Variants in ARK2N observed in about 807,000 individuals in gnomAD.
The protein encoded by ARK2N is arkadia (RNF111) N-terminal like PKA signaling regulator 2N, also known as protein ARK2N.
chr18:46,182,227 T>A, the ARK2N span, among the ~76,000 whole-genome samples: 1 of 152,232 alleles, frequency 6.6e-6, no homozygotes, highest in Non-Finnish European at 1.5e-5. Context: ...CATAGCTTGT[T>A]CTTAAATCAA....
At chr18:46,223,741 AT>A in the ARK2N span, among the ~76,000 whole-genome samples, 2,656 of 152,272 alleles carry the variant, frequency 0.017, 73 homozygotes, top group African/African-American at 0.06. Context: ...CACCCAGTCC[AT>A]TGGCTTTGGG....
chr18:46,247,574 T>G, the ARK2N span, among the ~76,000 whole-genome samples: 3 of 152,204 alleles, frequency 2.0e-5, no homozygotes, highest in African/African-American at 7.2e-5. Flanking sequence ...TTTAATTAAT[T>G]TCATTTATTT....
At chr18:46,224,777 T>G in the ARK2N span, among the ~76,000 whole-genome samples, 1 of 152,258 alleles carries the variant, frequency 6.6e-6, no homozygotes, top group African/African-American at 2.4e-5. Flanking sequence ...TTAGTGACTT[T>G]GATTAATGAA....
the ARK2N span, among the ~76,000 whole-genome samples, chr18:46,187,725 G>C: frequency 6.6e-6 from 1 of 152,098 alleles, no homozygotes; most frequent in Non-Finnish European, 1.5e-5. Context: ...AGTTTATTTA[G>C]TTTCATTCAT....
At chr18:46,200,465 GC>G in the ARK2N span, among the ~76,000 whole-genome samples, 1 of 152,032 alleles carries the variant, frequency 6.6e-6, no homozygotes, top group African/African-American at 2.4e-5. Flanking sequence ...GTGCCACCAC[GC>G]CCAGCTAATT....
chr18:46,229,175 G>T, the ARK2N span, among the ~76,000 whole-genome samples: 1 of 151,678 alleles, frequency 6.6e-6, no homozygotes, highest in Non-Finnish European at 1.5e-5. Flanking sequence ...TTCAGTTTTT[G>T]CAGAGTGCTT....
the ARK2N span, among the ~76,000 whole-genome samples, chr18:46,225,624 A>G: frequency 6.6e-6 from 1 of 151,962 alleles, no homozygotes; most frequent in Non-Finnish European, 1.5e-5. Context: ...ACGCCTGGCT[A>G]ATTTTCTTTG....
At chr18:46,215,099 A>T in the ARK2N span, among the ~76,000 whole-genome samples, 1 of 152,206 alleles carries the variant, frequency 6.6e-6, no homozygotes, top group African/African-American at 2.4e-5. Flanking sequence ...TGGGTGGATC[A>T]CTTGAGCTCA....
chr18:46,230,370 G>A, the ARK2N span, among the ~76,000 whole-genome samples: 95 of 152,166 alleles, frequency 6.2e-4, no homozygotes, highest in Non-Finnish European at 1.2e-3. Context: ...ATTACATGAC[G>A]GCATTTTTAT....
At chr18:46,213,011 T>C in the ARK2N span, among the ~76,000 whole-genome samples, 1 of 139,544 alleles carries the variant, frequency 7.2e-6, no homozygotes, top group Non-Finnish European at 1.5e-5. Context: ...TTTTTTTTTT[T>C]TTTTTTTGGA....
the ARK2N span, among the ~76,000 whole-genome samples, chr18:46,215,116 C>T: frequency 3.3e-5 from 5 of 152,048 alleles, no homozygotes; most frequent in African/African-American, 7.2e-5. Context: ...CTCAGGAGTT[C>T]GAGACCAGCC....
the ARK2N span, among the ~76,000 whole-genome samples, chr18:46,240,561 A>G: frequency 6.6e-6 from 1 of 152,206 alleles, no homozygotes; most frequent in Non-Finnish European, 1.5e-5. Flanking sequence ...CAGCTTGGAT[A>G]GGGAATCGTT....
the ARK2N span, among the ~76,000 whole-genome samples, chr18:46,174,558 C>G: frequency 7.2e-5 from 11 of 152,318 alleles, no homozygotes; most frequent in East Asian, 2.1e-3. Flanking sequence ...GACCTCCTTG[C>G]TCGTCCGCCG....
chr18:46,195,559 C>CTTTTTTTTTTTTT, the ARK2N span, among the ~76,000 whole-genome samples: 2 of 72,686 alleles, frequency 2.8e-5, no homozygotes, highest in African/African-American at 1.2e-4. Flanking sequence ...CCCACATAAA[C>CTTTTTTTTTTTTT]TTTTTTTTTT....
the ARK2N span, among the ~76,000 whole-genome samples, chr18:46,220,430 T>C: frequency 2.9e-4 from 44 of 152,364 alleles, no homozygotes; most frequent in African/African-American, 9.9e-4. Flanking sequence ...AATTAACTTA[T>C]TATGCTTGAT....
At chr18:46,218,608 C>A in the ARK2N span, 1 of 152,154 alleles carries the variant, frequency 6.6e-6, no homozygotes, top group Non-Finnish European at 1.5e-5. Context: ...TTAGGAATTT[C>A]ATTTCAATTG....
chr18:46,260,812 G>T, the ARK2N span, among the ~76,000 whole-genome samples: 3 of 152,132 alleles, frequency 2.0e-5, no homozygotes, highest in Non-Finnish European at 2.9e-5. Context: ...ATAAACCCTC[G>T]AGTGGAGACC....
chr18:46,238,438 TTC>T, the ARK2N span, among the ~76,000 whole-genome samples: 1 of 152,222 alleles, frequency 6.6e-6, no homozygotes, highest in African/African-American at 2.4e-5. Context: ...TATTGCAGCT[TTC>T]TTTTCTTTTT....
the ARK2N span, among the ~76,000 whole-genome samples, chr18:46,242,261 T>C: frequency 5.3e-5 from 8 of 152,308 alleles, no homozygotes; most frequent in South Asian, 2.1e-4. Context: ...AAATGAATGA[T>C]TACCAACGTT....
Sources: allele counts gnomAD v4.1 joint callset (sites outside exome capture counted in the v4.1 genomes callset), GRCh38; gene constraint gnomAD v4.1.1; transcripts MANE v1.5; gene names NCBI Gene and HGNC (gene_info 2026-07-23, HGNC 2026-07-21).